SAXO1: variants seen among roughly 807,000 people sequenced by gnomAD.
SAXO1 encodes the protein 4930500O09Rik.
A neutral mutation model predicts 17.5 loss-of-function variants in SAXO1; 21 were observed. That is an observed-to-expected ratio of 1.20 (90% CI 0.85 to 1.72). The LOEUF (loss-of-function observed/expected upper bound fraction) is 1.72, where lower values mean the gene tolerates loss of function less well. Ranked by LOEUF, SAXO1 falls within the 40% of genes most tolerant of loss-of-function variation. SAXO1 has a pLI of 0.00. For synonymous variants in SAXO1, 274 were observed against 216.5 expected (o/e 1.27, Z -2.33); for missense variants, 843 against 596.0 (o/e 1.41, Z -4.32).
chr9:19,004,593 A>G (rs951591310), intron 1 of SAXO1, among the ~76,000 whole-genome samples: 3 of 152,208 alleles, frequency 2.0e-5, no homozygotes, highest in Non-Finnish European at 1.5e-5. Flanking sequence ...GGAAACCATC[A>G]TTCTTAGCAA....
At chr9:19,009,536 G>A (rs867902594) in intron 1 of SAXO1, among the ~76,000 whole-genome samples, 1 of 152,094 alleles carries the variant, frequency 6.6e-6, no homozygotes, top group Non-Finnish European at 1.5e-5. Flanking sequence ...GCAAACTCCC[G>A]AGACCCCAGG....
At chr9:19,022,330 T>C (rs1279644471) in intron 1 of SAXO1, among the ~76,000 whole-genome samples, 1 of 152,220 alleles carries the variant, frequency 6.6e-6, no homozygotes, top group Non-Finnish European at 1.5e-5. Flanking sequence ...TAACATTCAC[T>C]GCGAGAGTCT....
chr9:19,027,092 C>G (rs1835508013), intron 1 of SAXO1: 2 of 908,336 alleles, frequency 2.2e-6, no homozygotes, highest in Non-Finnish European at 3.7e-6. Flanking sequence ...TCAATGTGAA[C>G]AAAACCCTGG....
chr9:18,957,073 G>A (rs188159944), intron 1 of SAXO1, among the ~76,000 whole-genome samples: 33 of 152,260 alleles, frequency 2.2e-4, no homozygotes, highest in Non-Finnish European at 4.0e-4. Flanking sequence ...TGGCTGCTCC[G>A]ATAAACCTAA....
rs1424556076 is a variant in SAXO1, at chr9:18,928,836, T to C, written c.641A>G (p.His214Arg). The change falls in exon 4 of 4, where the codon CAC (histidine) becomes CGC (arginine). Residue 214 changes from histidine (H) to arginine (R), a missense_variant. Transcript: ENST00000380534. Reference sequence around the variant, plus strand: ...ATGCACAAAGCGCTTCTCCACGGGGTGGGCCACATAGCTCATCTTGTAGTT... The same window carrying C: ...ATGCACAAAGCGCTTCTCCACGGGGCGGGCCACATAGCTCATCTTGTAGTT... ...VTNYKMSYVAHPVEKRFVHEA... is the reference protein window; with the variant it reads ...VTNYKMSYVARPVEKRFVHEA... The C allele has an allele frequency of 1.2e-6, 2 of 1,614,088 alleles. No homozygotes were observed. The highest frequency in any genetic ancestry group is 1.7e-6 in the Non-Finnish European group (2 of 1,180,028).
intron 1 of SAXO1, among the ~76,000 whole-genome samples, chr9:18,960,599 G>A (rs893423332): frequency 2.0e-5 from 3 of 152,090 alleles, no homozygotes; most frequent in Non-Finnish European, 4.4e-5. Context: ...GTAACATGGT[G>A]AAACCCCGAA....
rs1437215079 is a variant in SAXO1, at chr9:18,943,975, G to C, written c.219-2136C>G. The stretch of plus-strand genomic sequence containing the variant: ...AGAAACCTCCCTTCAAAGGCTGCCA[G>C]ACTCTTGAAAACTAAAGCACGCTTA... On this transcript the variant is annotated intron_variant, in intron 2 of 3. Transcript: ENST00000380534. Among the ~76,000 whole-genome samples the C allele has an allele frequency of 5.9e-5, 9 of 152,338 alleles. No homozygotes were observed. In the South Asian group the frequency reaches 1.9e-3, roughly 32 times the overall value.
At chr9:18,939,451 T>A (rs1253251443) in intron 3 of SAXO1, among the ~76,000 whole-genome samples, 1 of 152,142 alleles carries the variant, frequency 6.6e-6, no homozygotes, top group Non-Finnish European at 1.5e-5. Context: ...AAGTACACAA[T>A]GCATGATAAG....
chr9:19,037,700 T>C (rs540031958), upstream of SAXO1, among the ~76,000 whole-genome samples: 4 of 152,150 alleles, frequency 2.6e-5, no homozygotes, highest in African/African-American at 9.7e-5. Context: ...AGTATGAAAA[T>C]TGACTAATAC....
At chr9:18,975,241 AGC>A (rs1833098523) in intron 1 of SAXO1, among the ~76,000 whole-genome samples, 1 of 151,084 alleles carries the variant, frequency 6.6e-6, no homozygotes, top group Non-Finnish European at 1.5e-5. Flanking sequence ...AGGCTGGGGA[AGC>A]AGGGAGAGTG....
chr9:19,042,285 G>A (rs1208789843), intron 1 of SAXO1, among the ~76,000 whole-genome samples: 1 of 152,108 alleles, frequency 6.6e-6, no homozygotes, highest in African/African-American at 2.4e-5. Flanking sequence ...CCAAATGATG[G>A]GCAATAACAA....
At chr9:19,015,357 T>G (rs1236441522) in intron 1 of SAXO1, among the ~76,000 whole-genome samples, 1 of 152,090 alleles carries the variant, frequency 6.6e-6, no homozygotes, top group Non-Finnish European at 1.5e-5. Flanking sequence ...TTATTTTTTG[T>G]TTTTGAGACA....
At chr9:19,040,476 C>T (rs1249321079) in intron 1 of SAXO1, among the ~76,000 whole-genome samples, 2 of 152,078 alleles carry the variant, frequency 1.3e-5, no homozygotes, top group African/African-American at 4.8e-5. Flanking sequence ...AACCCCGCCT[C>T]TACTAAAAAT....
intron 1 of SAXO1, among the ~76,000 whole-genome samples, chr9:19,015,349 A>AT (rs1834928783): frequency 6.6e-6 from 1 of 151,736 alleles, no homozygotes; most frequent in Non-Finnish European, 1.5e-5. Context: ...TTGTTTTGTT[A>AT]TTTTTTGTTT....
At chr9:18,929,843 G>A (rs1009134596) in intron 3 of SAXO1, among the ~76,000 whole-genome samples, 2 of 152,178 alleles carry the variant, frequency 1.3e-5, no homozygotes, top group Non-Finnish European at 2.9e-5. Context: ...CAGACCCAGA[G>A]CCCACGATCT....
chr9:19,005,414 C>G (rs1834444117), intron 1 of SAXO1, among the ~76,000 whole-genome samples: 1 of 152,102 alleles, frequency 6.6e-6, no homozygotes, highest in African/African-American at 2.4e-5. Flanking sequence ...CAGTATGATA[C>G]TAGCATAAGG....
At chr9:19,022,997 C>A (rs10963912) in intron 1 of SAXO1, among the ~76,000 whole-genome samples, 69,415 of 151,918 alleles carry the variant, frequency 0.46, 17,436 homozygotes, top group Non-Finnish European at 0.56. Flanking sequence ...AGTATGAACT[C>A]ACAAAGCCTA....
rs763159646 is a variant in SAXO1, at chr9:19,025,293, T to C, written c.38+7578A>G. ...GTGTTTTTTTTCCTTAATCAGAATT[T>C]ATGAAGTCAATTTTATTTAAATTAA... On this transcript the variant is annotated intron_variant, in intron 1 of 3. Transcript: ENST00000380534. Among the ~76,000 whole-genome samples the C allele has an allele frequency of 7.2e-5, 11 of 152,200 alleles. No homozygotes were observed. In the South Asian group the frequency reaches 8.3e-4, roughly 11 times the overall value.
intron 1 of SAXO1, among the ~76,000 whole-genome samples, chr9:18,957,421 C>T (rs911738364): frequency 2.0e-5 from 3 of 152,196 alleles, no homozygotes; most frequent in Non-Finnish European, 4.4e-5. Flanking sequence ...TGGTCAGCAG[C>T]AGCCTTCACG....
Sources: gnomAD v4.1 joint callset for allele counts (sites outside exome capture counted in the v4.1 genomes callset) on GRCh38, gnomAD v4.1.1 for gene constraint, MANE v1.5 for transcripts, NCBI Gene and HGNC (gene_info 2026-07-23, HGNC 2026-07-21) for gene names.